Variants in ABCA12 observed in about 807,000 individuals in gnomAD.
The protein encoded by ABCA12 is glucosylceramide transporter ABCA12.
A neutral mutation model predicts 293.5 loss-of-function variants in ABCA12; 156 were observed. That is an observed-to-expected ratio of 0.53 (90% confidence interval 0.47 to 0.61). ABCA12 has a LOEUF of 0.61. Among genes scored for constraint, ABCA12 ranks in the 20% least tolerant of loss-of-function variants. The pLI, the probability that ABCA12 is intolerant of heterozygous loss-of-function variation, is 0.00. For missense variants in ABCA12, 2,797 were observed against 3,090.2 expected (o/e 0.91, Z 2.25); for synonymous variants, 1,063 against 1,108.0 (o/e 0.96, Z 0.81).
At chr2:215,088,951 A>G (rs1258843032) in intron 2 of ABCA12, among the ~76,000 whole-genome samples, 1 of 152,164 alleles carries the variant, frequency 6.6e-6, no homozygotes, top group Admixed American at 6.5e-5. Flanking sequence ...TATCATTCAT[A>G]TATGTCCATC....
At chr2:215,105,315 G>T (rs1702441787) in intron 2 of ABCA12, among the ~76,000 whole-genome samples, 1 of 152,132 alleles carries the variant, frequency 6.6e-6, no homozygotes. Context: ...TGTGAGCTTG[G>T]CTTTTAACTG....
At chr2:214,974,301 A>G (rs1699460162) in intron 35 of ABCA12, among the ~76,000 whole-genome samples, 1 of 152,152 alleles carries the variant, frequency 6.6e-6, no homozygotes, top group Admixed American at 6.5e-5. Flanking sequence ...CTGTGTCAGG[A>G]TGGGGTTTCT....
intron 1 of ABCA12, 85 bp downstream of exon 1, chr2:215,138,055 T>G: frequency 7.4e-7 from 1 of 1,348,568 alleles, no homozygotes; most frequent in Non-Finnish European, 1.1e-6. Context: ...AACTCTTCTG[T>G]TTTCACTTCT....
intron 1 of ABCA12, among the ~76,000 whole-genome samples, chr2:215,128,801 T>C (rs1702985794): frequency 6.6e-6 from 1 of 152,166 alleles, no homozygotes; most frequent in Non-Finnish European, 1.5e-5. Context: ...GTCAGGTAAA[T>C]CAGGGATTTC....
Position 215,012,164 on chromosome 2 carries a change from T to TCA in ABCA12, c.1957-30_1957-29insTG, listed in dbSNP as rs1369904211. 6.2e-6 allele frequency: 10 copies of TCA among 1,608,514 alleles called. No homozygotes were observed. The Admixed American group carries it at 1.2e-4, about 19-fold the overall frequency. On this transcript the variant is annotated intron_variant, in intron 15 of 52. Transcript: ENST00000272895. Reference sequence around the variant, plus strand: ...ACAGAAACAGAATAAAAATAAATGCTTTATGTGGAAAAATTGAATCCTCAT... The same window carrying TCA: ...ACAGAAACAGAATAAAAATAAATGCTCATTATGTGGAAAAATTGAATCCTCAT...
chr2:215,010,498 T>C, intron 17 of ABCA12, 28 bp from the exon 18 acceptor site: 1 of 1,610,608 alleles, frequency 6.2e-7, no homozygotes, highest in Non-Finnish European at 8.5e-7. Flanking sequence ...AATAAAACCA[T>C]TTAATAGATG....
At chr2:214,949,371 T>C (rs1259898466) in intron 45 of ABCA12, among the ~76,000 whole-genome samples, 62 of 142,834 alleles carry the variant, frequency 4.3e-4, no homozygotes, top group African/African-American at 1.8e-3. Flanking sequence ...TATATATATA[T>C]ATATATACAC....
At chr2:215,064,311 C>T (rs1701596497) in intron 2 of ABCA12, 92 bp from the exon 3 acceptor site, 6 of 1,314,070 alleles carry the variant, frequency 4.6e-6, no homozygotes, top group Non-Finnish European at 6.5e-6. Flanking sequence ...AAGTTAACCT[C>T]CTGGATTACC....
intron 2 of ABCA12, among the ~76,000 whole-genome samples, chr2:215,090,275 T>G (rs1278040627): frequency 6.6e-6 from 1 of 152,182 alleles, no homozygotes; most frequent in East Asian, 1.9e-4. Flanking sequence ...CAAAGCCTGT[T>G]TGGTGGTCTC....
intron 9 of ABCA12, among the ~76,000 whole-genome samples, chr2:215,028,728 C>A (rs892007364): frequency 6.6e-6 from 1 of 152,132 alleles, no homozygotes; most frequent in Non-Finnish European, 1.5e-5. Context: ...ACAAAACTAA[C>A]CCTATTATAT....
intron 2 of ABCA12, among the ~76,000 whole-genome samples, chr2:215,074,775 C>T (rs1272199725): frequency 6.6e-6 from 1 of 152,030 alleles, no homozygotes; most frequent in Non-Finnish European, 1.5e-5. Context: ...AGCCCCCTCT[C>T]TACTAAAAAT....
chr2:214,943,734 C>T (rs988747479), intron 49 of ABCA12, among the ~76,000 whole-genome samples: 10 of 152,074 alleles, frequency 6.6e-5, no homozygotes, highest in African/African-American at 2.4e-4. Flanking sequence ...GGATTTATAA[C>T]TAGTTGGCCT....
intron 1 of ABCA12, among the ~76,000 whole-genome samples, chr2:215,136,386 A>G (rs1291128138): frequency 6.6e-6 from 1 of 152,210 alleles, no homozygotes; most frequent in Admixed American, 6.5e-5. Flanking sequence ...ATGAGGAAAA[A>G]AATTTGTCAT....
intron 31 of ABCA12, among the ~76,000 whole-genome samples, chr2:214,979,998 C>T (rs1187629623): frequency 1.3e-5 from 2 of 152,188 alleles, no homozygotes; most frequent in Non-Finnish European, 2.9e-5. Context: ...AAATTACAGT[C>T]CCTGCACTGC....
intron 1 of ABCA12, among the ~76,000 whole-genome samples, chr2:215,118,730 A>C (rs190168495): frequency 3.7e-4 from 56 of 152,284 alleles, no homozygotes; most frequent in Admixed American, 2.2e-3. Context: ...ACAAAAAAAT[A>C]ATTACAGCTA....
chr2:215,085,691 GTCATTCAT>G (rs1204773173), intron 2 of ABCA12, among the ~76,000 whole-genome samples: 2 of 152,174 alleles, frequency 1.3e-5, no homozygotes, highest in Middle Eastern at 3.4e-3. Context: ...AACATGGGAT[GTCATTCAT>G]TCATTCATTC....
chr2:215,075,344 ACTT>A, intron 2 of ABCA12: 1 of 515,488 alleles, frequency 1.9e-6, no homozygotes, highest in East Asian at 3.2e-5. Context: ...GCCCTTTTCA[ACTT>A]CTTCCCCAAA....
chr2:214,947,818 A>G (rs1401032276), intron 47 of ABCA12: 4 of 453,646 alleles, frequency 8.8e-6, no homozygotes, highest in East Asian at 4.5e-5. Context: ...TGTGTTTACA[A>G]TTGCAGATTG....
chr2:214,987,180 A>C (rs963877482), intron 27 of ABCA12, among the ~76,000 whole-genome samples: 3 of 152,198 alleles, frequency 2.0e-5, no homozygotes, highest in Non-Finnish European at 4.4e-5. Context: ...CAGGCATCAC[A>C]AAAGGACCGC....
Sources: gnomAD v4.1 joint callset for allele counts (sites outside exome capture counted in the v4.1 genomes callset) on GRCh38, gnomAD v4.1.1 for gene constraint, MANE v1.5 for transcripts, NCBI Gene and HGNC (gene_info 2026-07-23, HGNC 2026-07-21) for gene names.